SLC25A21: variants seen among roughly 807,000 people sequenced by gnomAD.
The protein encoded by SLC25A21 is solute carrier family 25 member 21, also known as mitochondrial 2-oxodicarboxylate carrier.
In SLC25A21, 47 loss-of-function variants were observed where a neutral mutation model predicts 43.8. The observed-to-expected ratio is 1.07, with a 90% confidence interval of 0.85 to 1.37. SLC25A21 has a LOEUF of 1.37. Among genes scored for constraint, SLC25A21 ranks in the 40% most tolerant of loss-of-function variants. SLC25A21 has a pLI of 0.00. For missense variants in SLC25A21, 352 were observed against 350.2 expected (o/e 1.00, Z -0.04); for synonymous variants, 131 against 121.3 (o/e 1.08, Z -0.52).
At chr14:36,745,178 C>CT (rs1484411929) in intron 3 of SLC25A21, among the ~76,000 whole-genome samples, 1 of 151,982 alleles carries the variant, frequency 6.6e-6, no homozygotes, top group African/African-American at 2.4e-5. Context: ...TGAACTCATC[C>CT]TTTTTTATGG....
intron 3 of SLC25A21, among the ~76,000 whole-genome samples, chr14:36,789,930 T>A (rs1172626406): frequency 8.9e-5 from 11 of 124,132 alleles, no homozygotes; most frequent in South Asian, 4.4e-4. Context: ...TATTTATATA[T>A]TATATATAAA....
intron 1 of SLC25A21, among the ~76,000 whole-genome samples, chr14:37,068,271 T>C (rs1323698857): frequency 6.6e-6 from 1 of 152,150 alleles, no homozygotes. Context: ...GGAAGCCAAC[T>C]AGGAGATATT....
chr14:37,043,932 G>GTTTTTTTT (rs1944478047), intron 1 of SLC25A21, among the ~76,000 whole-genome samples: 2 of 89,734 alleles, frequency 2.2e-5, no homozygotes, highest in African/African-American at 1.6e-4. Context: ...TTTGTTTTAT[G>GTTTTTTTT]TTTTTTTGTT....
chr14:36,844,639 G>A (rs1889487788), intron 2 of SLC25A21, among the ~76,000 whole-genome samples: 1 of 152,170 alleles, frequency 6.6e-6, no homozygotes, highest in Non-Finnish European at 1.5e-5. Flanking sequence ...CTGCCCTCCT[G>A]TCCCAACACC....
chr14:36,927,948 C>T (rs530994474), intron 1 of SLC25A21, among the ~76,000 whole-genome samples: 2 of 152,218 alleles, frequency 1.3e-5, no homozygotes, highest in Admixed American at 1.3e-4. Context: ...TATCAACTGG[C>T]CCTCATTAGG....
At chr14:36,939,022 C>T (rs2138646541) in intron 1 of SLC25A21, among the ~76,000 whole-genome samples, 1 of 152,194 alleles carries the variant, frequency 6.6e-6, no homozygotes, top group Non-Finnish European at 1.5e-5. Flanking sequence ...ATTTCAGATA[C>T]ATTAATTTAT....
chr14:36,747,267 G>A (rs950122414), intron 3 of SLC25A21, among the ~76,000 whole-genome samples: 5 of 152,108 alleles, frequency 3.3e-5, no homozygotes, highest in African/African-American at 4.8e-5. Flanking sequence ...CAATATGAGT[G>A]TGGGCTCTGG....
intron 1 of SLC25A21, among the ~76,000 whole-genome samples, chr14:37,153,684 G>C (rs1372737259): frequency 6.6e-6 from 1 of 152,202 alleles, no homozygotes; most frequent in Non-Finnish European, 1.5e-5. Flanking sequence ...GGCTGCTACT[G>C]TCTCTAACAC....
intron 3 of SLC25A21, among the ~76,000 whole-genome samples, chr14:36,791,312 G>C (rs1479917597): frequency 2.0e-5 from 3 of 152,086 alleles, no homozygotes; most frequent in Non-Finnish European, 4.4e-5. Context: ...GCACTTTACA[G>C]TAATATTTTT....
intron 2 of SLC25A21, among the ~76,000 whole-genome samples, chr14:36,840,220 T>A (rs1001187461): frequency 2.6e-5 from 4 of 151,888 alleles, no homozygotes; most frequent in African/African-American, 7.3e-5. Flanking sequence ...TTTTTTTTTT[T>A]AAACAGTATT....
intron 5 of SLC25A21, 129 bp downstream of exon 5, chr14:36,729,378 T>C: frequency 1.5e-6 from 1 of 672,756 alleles, no homozygotes; most frequent in Non-Finnish European, 2.4e-6. Context: ...TTTCAACAAG[T>C]AGCTGAACAC....
intron 5 of SLC25A21, among the ~76,000 whole-genome samples, chr14:36,727,036 T>C (rs542357239): frequency 6.6e-6 from 1 of 152,314 alleles, no homozygotes; most frequent in Non-Finnish European, 1.5e-5. Flanking sequence ...TAGCACTTAC[T>C]GGCTGTGTGA....
rs1297708394 is a variant in SLC25A21, at chr14:36,904,918, GC to G, written c.71-29915del. ...AATCATATCACTCGTGTTATGAAGG[GC>G]CCCCAAATTATGAGGAGGCCACTGT... On this transcript the variant is annotated intron_variant, in intron 1 of 9. Transcript: ENST00000331299. 2.0e-5 allele frequency among the ~76,000 whole-genome samples: 3 copies of G among 152,182 alleles called. No homozygotes were observed. The East Asian group carries it at 5.8e-4, about 29-fold the overall frequency.
intron 1 of SLC25A21, among the ~76,000 whole-genome samples, chr14:37,166,441 C>T (rs1359279211): frequency 2.6e-5 from 4 of 152,182 alleles, no homozygotes; most frequent in Non-Finnish European, 5.9e-5. Context: ...TTTCCAACTC[C>T]TATAGAAATG....
At chr14:37,132,513 A>G (rs1303179912) in intron 1 of SLC25A21, among the ~76,000 whole-genome samples, 1 of 152,204 alleles carries the variant, frequency 6.6e-6, no homozygotes, top group Non-Finnish European at 1.5e-5. Flanking sequence ...TTTTCAGGCA[A>G]CTGTTTCTGG....
chr14:37,132,774 G>C (rs1368113201), intron 1 of SLC25A21, among the ~76,000 whole-genome samples: 1 of 151,296 alleles, frequency 6.6e-6, no homozygotes, highest in Non-Finnish European at 1.5e-5. Flanking sequence ...CTGTCACCCA[G>C]GCTGGAGTTC....
intron 1 of SLC25A21, among the ~76,000 whole-genome samples, chr14:36,898,290 GCT>G: frequency 6.6e-6 from 1 of 152,278 alleles, no homozygotes; most frequent in African/African-American, 2.4e-5. Context: ...AGACTGCTGT[GCT>G]AGCAATGAGC....
chr14:36,719,595 G>C (rs1427361911), intron 6 of SLC25A21, among the ~76,000 whole-genome samples: 1 of 152,156 alleles, frequency 6.6e-6, no homozygotes, highest in Non-Finnish European at 1.5e-5. Flanking sequence ...TAAGACACTG[G>C]CCAAGACACT....
intron 2 of SLC25A21, chr14:36,871,093 C>CAT (rs954413849): frequency 6.6e-6 from 1 of 152,338 alleles, no homozygotes; most frequent in Non-Finnish European, 1.5e-5. Context: ...GCAGAGTGTC[C>CAT]CCTGGCTATG....
Sources: allele counts gnomAD v4.1 joint callset (sites outside exome capture counted in the v4.1 genomes callset), GRCh38; gene constraint gnomAD v4.1.1; transcripts MANE v1.5; gene names NCBI Gene and HGNC (gene_info 2026-07-23, HGNC 2026-07-21).